CARD16: variants seen among roughly 807,000 people sequenced by gnomAD.
CARD16 encodes caspase recruitment domain family member 16, also known as caspase recruitment domain-containing protein 16.
In CARD16, 8 loss-of-function variants were observed where a neutral mutation model predicts 11.9. The ratio of observed to expected loss-of-function variants is 0.67; its 90% CI spans 0.39 to 1.21. CARD16 has a LOEUF of 1.21. CARD16 is among the 50% of genes most tolerant of loss of function. The pLI is 0.01. For synonymous variants in CARD16, 44 were observed against 43.8 expected (o/e 1.00, Z -0.02); for missense variants, 131 against 118.1 (o/e 1.11, Z -0.51).
intron 2 of CARD16, chr11:105,043,790 C>T (rs1864149501): frequency 4.8e-6 from 2 of 420,370 alleles, no homozygotes; most frequent in South Asian, 4.2e-5. Flanking sequence ...GATGGAAGTC[C>T]AGGCCTCCCA....
At position 105,044,444 on chromosome 11, in the gene CARD16, T is replaced by C. The variant is rs762013389; in HGVS notation, c.222A>G (p.Thr74=). The change falls in exon 2 of 4, where the codon ACA becomes ACG. Residue 74 remains threonine (T), a synonymous_variant. Coordinates refer to ENST00000673097, the MANE Select transcript of CARD16 (RefSeq NM_052889.4). ...GGTAACTGTCTTCTTCACAAATGTA[T>C]GTGATGCAAATTTGGCATGCCTGTG... is the stretch of plus-strand genomic sequence containing the variant. ...KGAQACQICI[T]YICEEDSYLA... is the part of the protein sequence containing the mutation. 7.4e-6 allele frequency: 12 copies of C among 1,614,142 alleles called. No individual in the cohort carries two copies. The East Asian group carries it at 1.3e-4, about 18-fold the overall frequency.
intron 2 of CARD16, chr11:105,043,806 A>G: frequency 2.5e-6 from 1 of 400,946 alleles, no homozygotes; most frequent in Middle Eastern, 3.9e-4. Flanking sequence ...TCCCAGTATG[A>G]TCTGCAGCTT....
In CARD16 at chr11:105,043,520, A is replaced by G; in HGVS notation, c.*6T>C. The G allele has an allele frequency of 6.2e-7, 1 of 1,610,434 alleles. No individual in the cohort carries two copies. The highest frequency in any genetic ancestry group is 8.5e-7 in the Non-Finnish European group (1 of 1,177,200). ...AAAATAGTAATTGGGAGTCTTGTGT[A>G]CTAAGCTAATTTCCAGGTATCGGAC... On this transcript the variant is annotated 3_prime_UTR_variant, in exon 3 of 4. Transcript: ENST00000673097.
chr11:105,042,373 T>C, intron 3 of CARD16, among the ~76,000 whole-genome samples: 1 of 152,204 alleles, frequency 6.6e-6, no homozygotes. Flanking sequence ...GAGGAAATGT[T>C]TTCACAGAGT....
chr11:105,043,607 T>C, intron 2 of CARD16, 62 bp from the exon 3 acceptor site: 2 of 1,127,992 alleles, frequency 1.8e-6, no homozygotes, highest in South Asian at 1.3e-5. Context: ...TTTACAGCAA[T>C]GCATAAGCCA....
intron 1 of CARD16, chr11:105,045,017 C>T (rs1032941896): frequency 7.2e-5 from 44 of 607,504 alleles, no homozygotes; most frequent in African/African-American, 7.2e-4. Flanking sequence ...AATTCTGTAC[C>T]CTCTGTCAGA....
At chr11:105,042,648 T>A (rs1864131143) in intron 3 of CARD16, among the ~76,000 whole-genome samples, 3 of 152,186 alleles carry the variant, frequency 2.0e-5, no homozygotes, top group African/African-American at 7.2e-5. Flanking sequence ...AGAATGATTA[T>A]ATTGGAGAAA....
chr11:105,043,522 T>G lies in CARD16; in HGVS notation c.*4A>C. ...AATAGTAATTGGGAGTCTTGTGTAC[T>G]AAGCTAATTTCCAGGTATCGGACCT... On this transcript the variant is annotated 3_prime_UTR_variant, in exon 3 of 4. Coordinates refer to ENST00000673097, the MANE Select transcript of CARD16 (RefSeq NM_052889.4). 6.2e-7 allele frequency: 1 copy of G among 1,610,366 alleles called. No individual in the cohort carries two copies. Among genetic ancestry groups the G allele is most frequent in the Non-Finnish European group, 8.5e-7 (1 of 1,177,152 alleles).
At chr11:105,044,361 G>T in intron 2 of CARD16, 31 bp downstream of exon 2, 3 of 1,613,436 alleles carry the variant, frequency 1.9e-6, no homozygotes, top group Non-Finnish European at 2.5e-6. Flanking sequence ...CAGGCCCTAG[G>T]TGAACTTGAG....
In CARD16 at chr11:105,041,578, TTTA is replaced by T; in HGVS notation, c.*182_*184del. 6.2e-7 allele frequency: 1 copy of T among 1,614,114 alleles called. No homozygotes were observed. The highest frequency in any genetic ancestry group is 8.5e-7 in the Non-Finnish European group (1 of 1,179,972). ...GCCTGAAGTATATCTTTCACTCCACTTTATTATTGTATTCTGAACATGGCACCT... is the reference window on the plus strand; with the variant it reads ...GCCTGAAGTATATCTTTCACTCCACTTTATTGTATTCTGAACATGGCACCT... On this transcript the variant is annotated 3_prime_UTR_variant, in exon 4 of 4. Coordinates refer to ENST00000673097, the MANE Select transcript of CARD16 (RefSeq NM_052889.4).
chr11:105,044,467 G>A lies in CARD16; in HGVS notation c.199C>T (p.Gln67Ter), dbSNP rs1864160811. 6.2e-7 allele frequency: 1 copy of A among 1,614,124 alleles called. No individual in the cohort carries two copies. Among genetic ancestry groups the A allele is most frequent in the East Asian group, 2.2e-5 (1 of 44,880 alleles). ...LIDSVIPKGAQACQICITYIC... is the reference protein window; with the variant it reads ...LIDSVIPKGA ...TATGTGATGCAAATTTGGCATGCCT[G>A]TGCCCCTTTCGGAATAACGGAGTCA... The change falls in exon 2 of 4, where the codon CAG (glutamine) becomes TAG (stop). Residue 67 changes from glutamine (Q) to a stop codon, truncating the protein, a stop_gained. Transcript: ENST00000673097. LOFTEE classifies it high-confidence loss of function.
intron 3 of CARD16, 79 bp downstream of exon 3, chr11:105,043,404 C>T (rs564411950): frequency 2.0e-6 from 2 of 990,762 alleles, no homozygotes; most frequent in South Asian, 2.9e-5. Flanking sequence ...ATAGCCCCTT[C>T]AAGCAGAGCT....
At position 105,043,466 on chromosome 11, in the gene CARD16, T is replaced by C. The variant is rs543280371; in HGVS notation, c.*43+17A>G. On this transcript the variant is annotated intron_variant, in intron 3 of 3. Coordinates refer to ENST00000673097, the MANE Select transcript of CARD16 (RefSeq NM_052889.4). ...GATGGGGTTCAAAGAATGCTCTTCA[T>C]TGAAAAACAACATTACCTGGGAAGG... The C allele has an allele frequency of 4.2e-4, 669 of 1,580,082 alleles. No individual in the cohort carries two copies. The highest frequency in any genetic ancestry group is 5.1e-4 in the Non-Finnish European group (587 of 1,152,160).
chr11:105,045,095 G>T (rs921664635), intron 1 of CARD16, 196 bp downstream of exon 1: 1 of 743,434 alleles, frequency 1.3e-6, no homozygotes, highest in Non-Finnish European at 2.2e-6. Context: ...TAAAGTCTCT[G>T]TTCCTTTCTG....
chr11:105,044,763 C>A lies in CARD16; in HGVS notation c.8-105G>T. On this transcript the variant is annotated intron_variant, in intron 1 of 3. Coordinates refer to ENST00000673097, the MANE Select transcript of CARD16 (RefSeq NM_052889.4). ...TTTAGATTTCATCAGTGAAATGTCC[C>A]CCTCCTCACAGTTGGGTAATCCCTC... 4 of 1,536,562 alleles carry A rather than the reference C, an allele frequency of 2.6e-6. No homozygotes were observed. In the Admixed American group the frequency reaches 7.8e-5, roughly 30 times the overall value.
chr11:105,044,943 A>G (rs1009660956), intron 1 of CARD16: 3 of 617,852 alleles, frequency 4.9e-6, no homozygotes, highest in Non-Finnish European at 2.8e-6. Flanking sequence ...TGAATAATAA[A>G]GTAATGAAGC....
At chr11:105,042,276 A>G (rs1183255323) in intron 3 of CARD16, among the ~76,000 whole-genome samples, 10 of 152,188 alleles carry the variant, frequency 6.6e-5, no homozygotes, top group Non-Finnish European at 1.2e-4. Flanking sequence ...GTAAACTAGA[A>G]TAAATATAAA....
intron 3 of CARD16, among the ~76,000 whole-genome samples, chr11:105,042,982 G>A (rs1160035579): frequency 6.6e-6 from 1 of 152,158 alleles, no homozygotes; most frequent in Non-Finnish European, 1.5e-5. Context: ...AAGTAAGAAT[G>A]AAGAGACATT....
At position 105,043,521 on chromosome 11, in the gene CARD16, C is replaced by A. The variant is rs1450281934; in HGVS notation, c.*5G>T. On this transcript the variant is annotated 3_prime_UTR_variant, in exon 3 of 4. Transcript: ENST00000673097. Reference sequence around the variant, plus strand: ...AAATAGTAATTGGGAGTCTTGTGTACTAAGCTAATTTCCAGGTATCGGACC... The same window carrying A: ...AAATAGTAATTGGGAGTCTTGTGTAATAAGCTAATTTCCAGGTATCGGACC... 3.7e-6 allele frequency: 6 copies of A among 1,610,284 alleles called. No homozygotes were observed. The highest frequency in any genetic ancestry group is 4.2e-6 in the Non-Finnish European group (5 of 1,177,142).
Sources: gnomAD v4.1 joint callset for allele counts (sites outside exome capture counted in the v4.1 genomes callset) on GRCh38, gnomAD v4.1.1 for gene constraint, MANE v1.5 for transcripts, NCBI Gene and HGNC (gene_info 2026-07-23, HGNC 2026-07-21) for gene names.